MYO7A: variants seen among roughly 807,000 people sequenced by gnomAD.
The protein encoded by MYO7A is myosin VIIA.
In MYO7A, 210 loss-of-function variants were observed where a neutral mutation model predicts 263.8. The ratio of observed to expected loss-of-function variants is 0.80; its 90% CI spans 0.71 to 0.89. The LOEUF is 0.89. Ranked by LOEUF, MYO7A falls within the 40% of genes least tolerant of loss-of-function variation. The pLI is 0.00. For synonymous variants in MYO7A, 1,239 were observed against 1,197.3 expected (o/e 1.03, Z -0.72); for missense variants, 2,820 against 2,968.3 (o/e 0.95, Z 1.16).
intron 18 of MYO7A, 48 bp downstream of exon 18, chr11:77,175,512 C>A: frequency 6.4e-7 from 1 of 1,552,054 alleles, no homozygotes. Flanking sequence ...GCTGTAAATT[C>A]CCATGATGTG....
At chr11:77,182,851 C>A (rs2135502114) in intron 25 of MYO7A, among the ~76,000 whole-genome samples, 1 of 152,332 alleles carries the variant, frequency 6.6e-6, no homozygotes, top group African/African-American at 2.4e-5. Flanking sequence ...TTGGAGCCAG[C>A]TCCCGTACTA....
chr11:77,177,569 G>A lies in MYO7A; in HGVS notation c.2208G>A (p.Leu736=), dbSNP rs373599360. ...CCTAGGACCACCATGACATGCTGCT[G>A]GAAGTGGAGCGGGACAAAGCCATCA... is the stretch of plus-strand genomic sequence containing the variant. ...IFLKDHHDML[L]EVERDKAITD... The change falls in exon 19 of 49, where the codon CTG becomes CTA. Residue 736 remains leucine, a synonymous_variant. Transcript: ENST00000409709. The A allele has an allele frequency of 3.7e-5, 60 of 1,611,642 alleles. 1 individual carries two copies. In the African/African-American group the frequency reaches 5.9e-4, roughly 16 times the overall value.
intron 30 of MYO7A, chr11:77,191,172 T>G (rs1300562346): frequency 1.7e-5 from 4 of 234,566 alleles, no homozygotes; most frequent in African/African-American, 4.5e-5. Flanking sequence ...ATACAAAAAT[T>G]AGTGGAGCAC....
chr11:77,171,084 C>A (rs1169085883), intron 15 of MYO7A, among the ~76,000 whole-genome samples: 1 of 152,214 alleles, frequency 6.6e-6, no homozygotes, highest in African/African-American at 2.4e-5. Context: ...GCATCCTGTC[C>A]TCATGGGGCT....
At chr11:77,139,173 C>T (rs1444236246) in intron 2 of MYO7A, among the ~76,000 whole-genome samples, 1 of 152,228 alleles carries the variant, frequency 6.6e-6, no homozygotes, top group Admixed American at 6.5e-5. Context: ...TTGAGTGCCT[C>T]ACCCAGAGAG....
rs532745392 is a variant in MYO7A, at chr11:77,175,187, A to G, written c.2095-185A>G. ...GTCAGTTGTGAGAAAGGGTTTTGCA[A>G]TCATACCATCCAGCTGAGCTAAGGA... On this transcript the variant is annotated intron_variant, in intron 17 of 48. Transcript: ENST00000409709. Among the ~76,000 whole-genome samples the G allele has an allele frequency of 3.3e-5, 5 of 152,306 alleles. No individual in the cohort carries two copies. The South Asian group carries it at 6.2e-4, about 19-fold the overall frequency.
intron 12 of MYO7A, among the ~76,000 whole-genome samples, chr11:77,161,764 C>A (rs1953019287): frequency 6.6e-6 from 1 of 152,234 alleles, no homozygotes; most frequent in Non-Finnish European, 1.5e-5. Context: ...TATGGCCCAC[C>A]AGCCAGCCTC....
At chr11:77,175,314 G>A (rs964520539) in intron 17 of MYO7A, 58 bp from the exon 18 acceptor site, 34 of 1,518,372 alleles carry the variant, frequency 2.2e-5, no homozygotes, top group Admixed American at 1.5e-4. Context: ...GGGACACTCC[G>A]GAGGCCTTCC....
At chr11:77,213,381 A>C (rs1388419673) in intron 47 of MYO7A, among the ~76,000 whole-genome samples, 1 of 152,224 alleles carries the variant, frequency 6.6e-6, no homozygotes, top group Non-Finnish European at 1.5e-5. Context: ...GCCCAGCTGC[A>C]CACCCAGAGG....
Position 77,211,871 on chromosome 11 carries a change from CA to C in MYO7A, c.6290del (p.Lys2097SerfsTer5). ...KHAGKSKEEA[K>X]LAFLKLIFKW... Reference sequence around the variant, plus strand: ...ACGCAGGGAAGTCCAAGGAGGAGGCCAAGCTGGCCTTCCTGAAGCTCATCTT... The same window carrying C: ...ACGCAGGGAAGTCCAAGGAGGAGGCCAGCTGGCCTTCCTGAAGCTCATCTT... On this transcript the variant is annotated frameshift_variant, in exon 46 of 49. Transcript: ENST00000409709. LOFTEE classifies it high-confidence loss of function. 1 of 1,613,970 alleles carries C rather than the reference CA, an allele frequency of 6.2e-7. No individual in the cohort carries two copies. The highest frequency in any genetic ancestry group is 8.5e-7 in the Non-Finnish European group (1 of 1,179,862).
Position 77,194,540 on chromosome 11 carries a change from G to A in MYO7A, c.4323+16G>A, listed in dbSNP as rs1319180977. 6.3e-7 allele frequency: 1 copy of A among 1,579,652 alleles called. No homozygotes were observed. Among genetic ancestry groups the A allele is most frequent in the Non-Finnish European group, 8.6e-7 (1 of 1,163,372 alleles). On this transcript the variant is annotated intron_variant, in intron 32 of 48. Transcript: ENST00000409709. The stretch of plus-strand genomic sequence containing the variant: ...CCACAAGAAGGTAGAAGGGCTGAGA[G>A]GAGTCCTAGAGAAGGGATGTGGACC...
intron 16 of MYO7A, 88 bp from the exon 17 acceptor site, chr11:77,174,668 A>C: frequency 7.1e-7 from 1 of 1,417,428 alleles, no homozygotes; most frequent in Non-Finnish European, 9.5e-7. Context: ...GGCCTTTCTG[A>C]GCCTTTGTCT....
Position 77,158,266 on chromosome 11 carries a change from C to A in MYO7A, c.850-11C>A. 6.3e-7 allele frequency: 1 copy of A among 1,586,346 alleles called. No individual in the cohort carries two copies. Among genetic ancestry groups the A allele is most frequent in the South Asian group, 1.1e-5 (1 of 88,312 alleles). ...TCCTCTTGCACCCCACTCTCCCACC[C>A]TGCCCACCAGGGTAACTGCATAACC... On this transcript the variant is annotated splice_polypyrimidine_tract_variant and intron_variant, in intron 8 of 48. Coordinates refer to ENST00000409709, the MANE Select transcript of MYO7A (RefSeq NM_000260.4).
In MYO7A at chr11:77,171,960, C is replaced by T. The variant is rs571518156; in HGVS notation, c.1798-788C>T. Among the ~76,000 whole-genome samples, 299 of 152,304 alleles carry T rather than the reference C, an allele frequency of 2.0e-3. 1 individual carries two copies. The highest frequency in any genetic ancestry group is 6.7e-3 in the African/African-American group (280 of 41,570). On this transcript the variant is annotated intron_variant, in intron 15 of 48. Coordinates refer to ENST00000409709, the MANE Select transcript of MYO7A (RefSeq NM_000260.4). ...CAGGTGTGGCTGGTGGAGCACAGAA[C>T]CCCTGGCTGCGTCGGAGCCACAGTG...
intron 2 of MYO7A, among the ~76,000 whole-genome samples, chr11:77,137,330 G>A (rs1456941239): frequency 2.6e-5 from 4 of 152,228 alleles, no homozygotes; most frequent in South Asian, 2.1e-4. Flanking sequence ...CGTCTTTTTC[G>A]TTGCCATTCC....
chr11:77,190,979 G>A lies in MYO7A; in HGVS notation c.3924+109G>A, dbSNP rs4944148. ...GGGGCTATTCACCCTTGAGCACCTCGGTTTCCCCCTGAGCCTGTGCTAATT... is the reference window on the plus strand; with the variant it reads ...GGGGCTATTCACCCTTGAGCACCTCAGTTTCCCCCTGAGCCTGTGCTAATT... On this transcript the variant is annotated intron_variant, in intron 30 of 48. Coordinates refer to ENST00000409709, the MANE Select transcript of MYO7A (RefSeq NM_000260.4). 667,380 of 1,241,718 alleles carry A rather than the reference G, an allele frequency of 0.54. 184,161 individuals carry two copies. Among genetic ancestry groups the A allele is most frequent in the African/African-American group, 0.8 (52,634 of 65,860 alleles). The allele number at this position is 1,241,718 out of a possible 1,614,324, so 76.9% of individuals were successfully genotyped here. A position where few individuals can be genotyped will look rare whatever the true frequency, so the allele number is the denominator to read the frequency against.
chr11:77,144,744 T>C (rs1000556151), intron 3 of MYO7A, among the ~76,000 whole-genome samples: 11 of 152,158 alleles, frequency 7.2e-5, no homozygotes, highest in African/African-American at 2.7e-4. Context: ...CAGGGAAGGC[T>C]CTTGGCAAAG....
intron 14 of MYO7A, among the ~76,000 whole-genome samples, chr11:77,164,358 G>A (rs1289610878): frequency 6.6e-6 from 1 of 151,902 alleles, no homozygotes; most frequent in Non-Finnish European, 1.5e-5. Flanking sequence ...ATAGTCAAAG[G>A]CCAATTAACC....
At chr11:77,184,323 G>A (rs1401279883) in intron 26 of MYO7A, among the ~76,000 whole-genome samples, 2 of 152,198 alleles carry the variant, frequency 1.3e-5, no homozygotes, top group East Asian at 3.9e-4. Flanking sequence ...GGTGTGGGGT[G>A]CAGGGTATCG....
Sources: gnomAD v4.1 joint callset for allele counts (sites outside exome capture counted in the v4.1 genomes callset) on GRCh38, gnomAD v4.1.1 for gene constraint, MANE v1.5 for transcripts, NCBI Gene and HGNC (gene_info 2026-07-23, HGNC 2026-07-21) for gene names.